CCDC171: variants seen among roughly 807,000 people sequenced by gnomAD.
The protein encoded by CCDC171 is coiled-coil domain containing 171, also known as coiled-coil domain-containing protein 171.
Under a neutral mutation model 168.2 loss-of-function variants are expected in CCDC171, and 177 were observed. The ratio of observed to expected loss-of-function variants is 1.05; its 90% CI spans 0.93 to 1.19. CCDC171 has a LOEUF of 1.19. CCDC171 is among the 50% of genes most tolerant of loss of function. CCDC171 has a pLI of 0.00. For synonymous variants in CCDC171, 687 were observed against 540.8 expected (o/e 1.27, Z -3.75); for missense variants, 1,991 against 1,539.0 (o/e 1.29, Z -4.91).
At chr9:15,866,117 G>T (rs2061774079) in intron 23 of CCDC171, among the ~76,000 whole-genome samples, 1 of 151,928 alleles carries the variant, frequency 6.6e-6, no homozygotes, top group African/African-American at 2.4e-5. Context: ...AGCTCAATGA[G>T]GCAGGTAGTA....
chr9:15,809,052 C>T (rs560733237), intron 21 of CCDC171, among the ~76,000 whole-genome samples: 8 of 152,176 alleles, frequency 5.3e-5, no homozygotes, highest in Admixed American at 4.6e-4. Context: ...TTTGAGTGCT[C>T]GTCCATGATG....
At chr9:16,002,097 G>C (rs1479271808) in intron 3 of CCDC171, among the ~76,000 whole-genome samples, 1 of 148,754 alleles carries the variant, frequency 6.7e-6, no homozygotes, top group East Asian at 2.0e-4. Context: ...CAAAATGCTG[G>C]AATTACAGGC....
chr9:15,708,995 T>C (rs1256697551), intron 11 of CCDC171, among the ~76,000 whole-genome samples: 4 of 152,100 alleles, frequency 2.6e-5, no homozygotes, highest in Admixed American at 2.6e-4. Context: ...GAAAACTAAA[T>C]AGAATTTGTG....
At chr9:15,865,168 T>C (rs951467540) in intron 23 of CCDC171, among the ~76,000 whole-genome samples, 5 of 151,866 alleles carry the variant, frequency 3.3e-5, no homozygotes, top group Non-Finnish European at 2.9e-5. Context: ...GTCACAGGAG[T>C]TTTTGCTGAC....
intron 6 of CCDC171, among the ~76,000 whole-genome samples, chr9:15,602,341 C>T (rs1011141308): frequency 2.8e-5 from 4 of 145,142 alleles, no homozygotes; most frequent in African/African-American, 7.3e-5. Context: ...TCATAGTGTT[C>T]TCTTTGTGTA....
intron 16 of CCDC171, among the ~76,000 whole-genome samples, chr9:15,743,427 C>T (rs1212379050): frequency 6.6e-6 from 1 of 152,026 alleles, no homozygotes; most frequent in Non-Finnish European, 1.5e-5. Flanking sequence ...TTGCCTCAGC[C>T]TCCCAAACAC....
At chr9:15,645,526 A>G (rs1252332144) in intron 7 of CCDC171, among the ~76,000 whole-genome samples, 1 of 152,220 alleles carries the variant, frequency 6.6e-6, no homozygotes, top group Non-Finnish European at 1.5e-5. Context: ...GGCTAACTAG[A>G]ATAAACAGTG....
chr9:15,597,048 G>A (rs2042425562), intron 6 of CCDC171, among the ~76,000 whole-genome samples: 1 of 152,120 alleles, frequency 6.6e-6, no homozygotes, highest in Non-Finnish European at 1.5e-5. Flanking sequence ...ATTTTGGGCT[G>A]AGACGATGGG....
intron 23 of CCDC171, among the ~76,000 whole-genome samples, chr9:15,862,337 G>A (rs1480972168): frequency 1.3e-5 from 2 of 150,474 alleles, no homozygotes; most frequent in African/African-American, 2.4e-5. Context: ...GCTGGTTTTA[G>A]TCTGCTGTTG....
chr9:15,642,799 C>T (rs116545640), intron 7 of CCDC171, among the ~76,000 whole-genome samples: 5 of 151,978 alleles, frequency 3.3e-5, no homozygotes, highest in African/African-American at 4.8e-5. Flanking sequence ...TTTCAACCCC[C>T]TGTGTTTTGC....
intron 24 of CCDC171, among the ~76,000 whole-genome samples, chr9:15,884,050 G>T (rs978118518): frequency 6.6e-6 from 1 of 152,088 alleles, no homozygotes; most frequent in African/African-American, 2.4e-5. Flanking sequence ...TTTTCTTTTT[G>T]TGTGTATGTG....
intron 25 of CCDC171, among the ~76,000 whole-genome samples, chr9:15,925,250 A>C (rs1825762274): frequency 6.6e-6 from 1 of 151,638 alleles, no homozygotes; most frequent in Non-Finnish European, 1.5e-5. Context: ...GTATGAGTAA[A>C]ACATTTTCAG....
intron 3 of CCDC171, among the ~76,000 whole-genome samples, chr9:16,017,909 C>G (rs1356046881): frequency 1.3e-5 from 2 of 152,152 alleles, no homozygotes; most frequent in African/African-American, 4.8e-5. Flanking sequence ...CCTCATGAAG[C>G]CATCACAATG....
At chr9:15,925,412 G>A (rs1351154095) in intron 25 of CCDC171, among the ~76,000 whole-genome samples, 2 of 151,584 alleles carry the variant, frequency 1.3e-5, no homozygotes, top group Non-Finnish European at 3.0e-5. Flanking sequence ...AGTGTGGCTG[G>A]CGGAAGAAAG....
At chr9:16,001,306 T>A (rs1303482805) in intron 3 of CCDC171, among the ~76,000 whole-genome samples, 1 of 152,176 alleles carries the variant, frequency 6.6e-6, no homozygotes, top group Non-Finnish European at 1.5e-5. Context: ...AGCCTCTCTC[T>A]CTTGAAGAAA....
At chr9:15,558,632 A>C (rs2039008520) in intron 1 of CCDC171, among the ~76,000 whole-genome samples, 1 of 151,586 alleles carries the variant, frequency 6.6e-6, no homozygotes, top group East Asian at 1.9e-4. Flanking sequence ...TTTCTTCTTT[A>C]TTAGTCTTGC....
intron 25 of CCDC171, among the ~76,000 whole-genome samples, chr9:15,958,855 T>C (rs1830075538): frequency 6.6e-6 from 1 of 152,004 alleles, no homozygotes; most frequent in Non-Finnish European, 1.5e-5. Flanking sequence ...CAGACCAAAT[T>C]AGTATACCGA....
At chr9:15,937,971 G>C (rs561233679) in intron 25 of CCDC171, among the ~76,000 whole-genome samples, 1 of 151,956 alleles carries the variant, frequency 6.6e-6, no homozygotes, top group African/African-American at 2.4e-5. Context: ...TGTACGTCTT[G>C]AAAGAGAAAG....
chr9:15,907,005 G>C (rs1822755744), intron 24 of CCDC171, among the ~76,000 whole-genome samples: 1 of 152,098 alleles, frequency 6.6e-6, no homozygotes, highest in Admixed American at 6.6e-5. Context: ...TGAAATAAAA[G>C]AGGATACAAG....
Sources: gnomAD v4.1 joint callset for allele counts (sites outside exome capture counted in the v4.1 genomes callset) on GRCh38, gnomAD v4.1.1 for gene constraint, MANE v1.5 for transcripts, NCBI Gene and HGNC (gene_info 2026-07-23, HGNC 2026-07-21) for gene names.